CAMTA1: variants seen among roughly 807,000 people sequenced by gnomAD.
CAMTA1 encodes the protein calmodulin-binding transcription activator 1.
CAMTA1 carries 27 observed loss-of-function variants against 170.9 expected under a neutral mutation model. That is an observed-to-expected ratio of 0.16 (90% CI 0.12 to 0.22). The LOEUF (loss-of-function observed/expected upper bound fraction) is 0.22, where lower values mean the gene tolerates loss of function less well. Among genes scored for constraint, CAMTA1 ranks in the 10% least tolerant of loss-of-function variants. The probability of loss-of-function intolerance (pLI) is 1.00; values close to 1 mark genes in which losing one functional copy is unlikely to be tolerated. For synonymous variants in CAMTA1, 833 were observed against 891.5 expected, an observed-to-expected ratio of 0.93 and a Z score of 1.17; for missense variants, 1,619 against 2,217.2, an observed-to-expected ratio of 0.73 and a Z score of 5.42.
intron 6 of CAMTA1, among the ~76,000 whole-genome samples, chr1:7,583,821 A>G (rs1057023090): frequency 5.3e-5 from 8 of 152,072 alleles, no homozygotes; most frequent in African/African-American, 1.7e-4. Flanking sequence ...CCAGCCACTT[A>G]GAAGGTGCCG....
intron 1 of CAMTA1, among the ~76,000 whole-genome samples, chr1:6,819,408 C>T (rs560500709): frequency 1.3e-5 from 2 of 152,062 alleles, no homozygotes; most frequent in Admixed American, 1.3e-4. Flanking sequence ...TTCCTGTTAA[C>T]GGAATTCCCC....
In CAMTA1 at chr1:7,137,139, C is replaced by T. The variant is rs561663908; in HGVS notation, c.302+45768C>T. ...ACCTGCCCCGGTGCCTGGGAGTCAT[C>T]GTTTATTGTATTTTTTCTTCTCTTC... On this transcript the variant is annotated intron_variant, in intron 4 of 22. Coordinates refer to ENST00000303635, the MANE Select transcript of CAMTA1 (RefSeq NM_015215.4). Among the ~76,000 whole-genome samples the T allele has an allele frequency of 1.2e-4, 18 of 152,006 alleles. No homozygotes were observed. The South Asian group carries it at 2.3e-3, about 19-fold the overall frequency.
At position 7,284,243 on chromosome 1, in the gene CAMTA1, A is replaced by T. The variant is rs181235410; in HGVS notation, c.438+34617A>T. The stretch of plus-strand genomic sequence containing the variant: ...TTCTGAGAAGGAGTCTTGCTCTGTC[A>T]CCCAGGCTGGAGTGCAGTGGCGTAA... On this transcript the variant is annotated intron_variant, in intron 5 of 22. Transcript: ENST00000303635. Among the ~76,000 whole-genome samples the T allele has an allele frequency of 5.2e-3, 764 of 147,882 alleles. 5 individuals are homozygous for T. Among genetic ancestry groups the T allele is most frequent in the African/African-American group, 0.019 (743 of 40,068 alleles).
intron 3 of CAMTA1, among the ~76,000 whole-genome samples, chr1:7,074,259 T>G (rs952057602): frequency 3.9e-5 from 6 of 152,228 alleles, no homozygotes; most frequent in African/African-American, 1.4e-4. Flanking sequence ...GCTGTGCAAA[T>G]GAAGCACGCT....
intron 5 of CAMTA1, among the ~76,000 whole-genome samples, chr1:7,427,568 G>A (rs2091927005): frequency 6.6e-6 from 1 of 152,194 alleles, no homozygotes; most frequent in African/African-American, 2.4e-5. Context: ...TCATTGAAAG[G>A]AAGTGTCGAA....
intron 3 of CAMTA1, among the ~76,000 whole-genome samples, chr1:6,906,700 C>G (rs1417446349): frequency 6.6e-6 from 1 of 152,224 alleles, no homozygotes; most frequent in East Asian, 1.9e-4. Context: ...CTTCCCCACT[C>G]TGGCTGTTGT....
At chr1:7,294,518 T>A (rs1673639087) in intron 5 of CAMTA1, among the ~76,000 whole-genome samples, 1 of 152,136 alleles carries the variant, frequency 6.6e-6, no homozygotes, top group African/African-American at 2.4e-5. Flanking sequence ...CTCATATTCC[T>A]CGGTGAGACC....
At chr1:6,883,434 T>TAGGGCAGGAG (rs954816072) in intron 3 of CAMTA1, among the ~76,000 whole-genome samples, 6 of 152,132 alleles carry the variant, frequency 3.9e-5, no homozygotes, top group African/African-American at 7.2e-5. Context: ...AGCCTAAGTG[T>TAGGGCAGGAG]AGGGCAGGAG....
At chr1:7,720,368 G>GT (rs1403229832) in intron 11 of CAMTA1, among the ~76,000 whole-genome samples, 1 of 151,784 alleles carries the variant, frequency 6.6e-6, no homozygotes, top group Non-Finnish European at 1.5e-5. Flanking sequence ...GGGTTGGGTG[G>GT]TTTTTTTTGT....
intron 5 of CAMTA1, among the ~76,000 whole-genome samples, chr1:7,319,541 T>C (rs983216249): frequency 6.6e-6 from 1 of 152,198 alleles, no homozygotes; most frequent in African/African-American, 2.4e-5. Flanking sequence ...TGTGGAACCG[T>C]GAGCCAATTA....
intron 3 of CAMTA1, among the ~76,000 whole-genome samples, chr1:6,964,388 A>G (rs1691154240): frequency 6.6e-6 from 1 of 152,144 alleles, no homozygotes; most frequent in Non-Finnish European, 1.5e-5. Context: ...CAGGGGCACA[A>G]CGTGATGGCT....
intron 4 of CAMTA1, among the ~76,000 whole-genome samples, chr1:7,101,365 G>A (rs939530056): frequency 6.6e-6 from 1 of 152,120 alleles, no homozygotes; most frequent in East Asian, 1.9e-4. Flanking sequence ...GCGAGTTCTT[G>A]GAATAAAGGA....
intron 5 of CAMTA1, among the ~76,000 whole-genome samples, chr1:7,365,555 G>A (rs2085902461): frequency 6.6e-6 from 1 of 152,166 alleles, no homozygotes. Flanking sequence ...ACTTCCCTGG[G>A]CCTGCTGGTG....
intron 3 of CAMTA1, 28 bp downstream of exon 3, chr1:6,825,238 T>A: frequency 7.4e-7 from 1 of 1,352,626 alleles, no homozygotes; most frequent in Non-Finnish European, 1.0e-6. Context: ...TTTAAGGGTA[T>A]AATTATTTTA....
Position 7,678,425 on chromosome 1 carries a change from G to A in CAMTA1, c.2914+692G>A, listed in dbSNP as rs548017706. Reference sequence around the variant, plus strand: ...GGCTTCAAGGGAGCAGGCAGGACCTGGTGGTCAAGGAGAGGCAGGGACTCC... The same window carrying A: ...GGCTTCAAGGGAGCAGGCAGGACCTAGTGGTCAAGGAGAGGCAGGGACTCC... On this transcript the variant is annotated intron_variant, in intron 11 of 22. Transcript: ENST00000303635. Among the ~76,000 whole-genome samples the A allele has an allele frequency of 3.5e-3, 530 of 152,366 alleles. 6 individuals carry two copies. The highest frequency in any genetic ancestry group is 0.012 in the African/African-American group (496 of 41,588).
chr1:7,043,765 G>C (rs1173584625), intron 3 of CAMTA1, among the ~76,000 whole-genome samples: 1 of 152,190 alleles, frequency 6.6e-6, no homozygotes, highest in African/African-American at 2.4e-5. Context: ...TTAGGGCCTT[G>C]GGGGTGCAGT....
At chr1:7,402,353 T>G (rs2149209913) in intron 5 of CAMTA1, among the ~76,000 whole-genome samples, 1 of 152,250 alleles carries the variant, frequency 6.6e-6, no homozygotes, top group African/African-American at 2.4e-5. Context: ...CTTTCTATTT[T>G]AACCATCTGA....
At chr1:7,040,602 G>A (rs927687648) in intron 3 of CAMTA1, among the ~76,000 whole-genome samples, 17 of 152,100 alleles carry the variant, frequency 1.1e-4, no homozygotes, top group African/African-American at 2.2e-4. Context: ...AGGTGTACCC[G>A]TAAGCAGGGA....
intron 3 of CAMTA1, among the ~76,000 whole-genome samples, chr1:6,917,189 G>T (rs1680992451): frequency 6.6e-6 from 1 of 151,964 alleles, no homozygotes. Context: ...GCAGTGTGGG[G>T]AATGAGCCTG....
Sources: allele counts gnomAD v4.1 joint callset (sites outside exome capture counted in the v4.1 genomes callset), GRCh38; gene constraint gnomAD v4.1.1; transcripts MANE v1.5; gene names NCBI Gene and HGNC (gene_info 2026-07-23, HGNC 2026-07-21).